Variants in PATZ1 observed in about 807,000 individuals in gnomAD.
PATZ1 encodes POZ/BTB and AT hook containing zinc finger 1.
In PATZ1, 9 loss-of-function variants were observed where a neutral mutation model predicts 46.2. The ratio of observed to expected loss-of-function variants is 0.19; its 90% confidence interval spans 0.12 to 0.34. PATZ1 has a LOEUF of 0.34. Ranked by LOEUF, PATZ1 falls within the 10% of genes least tolerant of loss-of-function variation. The probability of loss-of-function intolerance (pLI) is 1.00; values close to 1 mark genes in which losing one functional copy is unlikely to be tolerated. For missense variants in PATZ1, 632 were observed against 923.0 expected (o/e 0.68, Z 4.08); for synonymous variants, 426 against 378.6 (o/e 1.13, Z -1.45).
chr22:31,345,697 C>A lies in PATZ1; in HGVS notation c.-95G>T, dbSNP rs2049645896. 5 of 1,230,502 alleles carry A rather than the reference C, an allele frequency of 4.1e-6. No homozygotes were observed. The South Asian group carries it at 4.6e-5, about 11-fold the overall frequency. 76.2% of individuals were successfully genotyped at this position (1,230,502 alleles called of 1,614,324 possible). ...AAGCGGGGCGCAGCAGACGTGTCCA[C>A]ACTCCCCACACGTGCCGGCCCGAGG... On this transcript the variant is annotated 5_prime_UTR_variant, in exon 1 of 5. Coordinates refer to ENST00000266269, the MANE Select transcript of PATZ1 (RefSeq NM_014323.3). This position sits in a 1 kb window ranked among gnomAD's most constrained non-coding sequence, Gnocchi z 7.4.
chr22:31,342,540 A>G (rs1053701359), intron 2 of PATZ1, among the ~76,000 whole-genome samples: 2 of 152,098 alleles, frequency 1.3e-5, no homozygotes, highest in African/African-American at 4.8e-5. Context: ...GCTGGAAACC[A>G]ACAGTCAGGC....
At position 31,331,408 on chromosome 22, in the gene PATZ1, C is replaced by T. The variant is rs529968291; in HGVS notation, c.1508-2484G>A. ...AGGCTGGAGTGCAGTGGCACCATCTCGGCTCACTGCAAGCTCCGCCTCCAG... is the reference window on the plus strand; with the variant it reads ...AGGCTGGAGTGCAGTGGCACCATCTTGGCTCACTGCAAGCTCCGCCTCCAG... On this transcript the variant is annotated intron_variant, in intron 3 of 4. Transcript: ENST00000266269. Among the ~76,000 whole-genome samples the T allele has an allele frequency of 5.3e-5, 8 of 150,306 alleles. No homozygotes were observed. The East Asian group carries it at 5.9e-4, about 11-fold the overall frequency.
intron 2 of PATZ1, among the ~76,000 whole-genome samples, chr22:31,336,761 G>T (rs1330924236): frequency 2.9e-5 from 4 of 140,148 alleles, no homozygotes; most frequent in Admixed American, 2.2e-4. Flanking sequence ...AGCCAAGATC[G>T]TGTCACTGCA....
Position 31,327,342 on chromosome 22 carries a change from G to A in PATZ1, c.1646-33C>T, listed in dbSNP as rs773466085. 6.3e-7 allele frequency: 1 copy of A among 1,579,632 alleles called. No individual in the cohort carries two copies. The highest frequency in any genetic ancestry group is 2.2e-5 in the East Asian group (1 of 44,598). On this transcript the variant is annotated intron_variant, in intron 4 of 4. Coordinates refer to ENST00000266269, the MANE Select transcript of PATZ1 (RefSeq NM_014323.3). The surrounding 1 kb of genome is among the most constrained non-coding windows in gnomAD (Gnocchi z 4.2). ...AAAACAAAATATAGGAGAGCGATGAGGCCAGGCTCTGGAGATGCCCCCTCC... is the reference window on the plus strand; with the variant it reads ...AAAACAAAATATAGGAGAGCGATGAAGCCAGGCTCTGGAGATGCCCCCTCC...
intron 3 of PATZ1, among the ~76,000 whole-genome samples, chr22:31,334,458 A>G (rs1180164018): frequency 1.3e-5 from 2 of 152,166 alleles, no homozygotes; most frequent in Non-Finnish European, 2.9e-5. Context: ...CTACTCAGCA[A>G]TCTCCTTCCA....
In PATZ1 at chr22:31,344,880, G is replaced by A. The variant is rs750842547; in HGVS notation, c.723C>T (p.Pro241=). ...GVDRLPMVAG[P]LSPQLLTSPF... is the part of the protein sequence containing the mutation. ...GGGAAGTCAGCAGTTGGGGGGATAGGGGTCCAGCCACCATGGGCAAGCGGT... is the reference window on the plus strand; with the variant it reads ...GGGAAGTCAGCAGTTGGGGGGATAGAGGTCCAGCCACCATGGGCAAGCGGT... Residue 241 remains proline (P), a synonymous_variant, in exon 1 of 5, where the codon CCC becomes CCT. Coordinates refer to ENST00000266269, the MANE Select transcript of PATZ1 (RefSeq NM_014323.3). 3.1e-6 allele frequency: 5 copies of A among 1,613,032 alleles called. No individual in the cohort carries two copies. Among genetic ancestry groups the A allele is most frequent in the East Asian group, 2.2e-5 (1 of 44,882 alleles).
chr22:31,340,727 C>G, intron 2 of PATZ1: 3 of 1,047,060 alleles, frequency 2.9e-6, no homozygotes, highest in Non-Finnish European at 3.5e-6. Context: ...GCAGAGTCTG[C>G]GGAGTGCTAA....
At chr22:31,337,652 G>A (rs1445559029) in intron 2 of PATZ1, 2 of 152,186 alleles carry the variant, frequency 1.3e-5, no homozygotes, top group Non-Finnish European at 2.9e-5. Context: ...GTGTGTGTGT[G>A]TGTTTACTGT....
In PATZ1 at chr22:31,345,719, G is replaced by A; in HGVS notation, c.-117C>T. ...CCACACTCCCCACACGTGCCGGCCC[G>A]AGGCTCTGTAGTCTCGCAGGTGCGC... On this transcript the variant is annotated 5_prime_UTR_variant, in exon 1 of 5. Coordinates refer to ENST00000266269, the MANE Select transcript of PATZ1 (RefSeq NM_014323.3). The surrounding 1 kb of genome is among the most constrained non-coding windows in gnomAD (Gnocchi z 7.4). 1 of 1,065,864 alleles carries A rather than the reference G, an allele frequency of 9.4e-7. No homozygotes were observed. Among genetic ancestry groups the A allele is most frequent in the Admixed American group, 2.9e-5 (1 of 34,682 alleles). 66.0% of individuals were successfully genotyped at this position (1,065,864 alleles called of 1,614,324 possible). A position where few individuals can be genotyped will look rare whatever the true frequency, so the allele number is the denominator to read the frequency against.
chr22:31,338,073 A>G (rs1434341635), intron 2 of PATZ1: 1 of 152,250 alleles, frequency 6.6e-6, no homozygotes, highest in African/African-American at 2.4e-5. Context: ...CAGTGTATTC[A>G]TATCATAAAT....
intron 3 of PATZ1, among the ~76,000 whole-genome samples, chr22:31,333,103 C>T (rs1280552297): frequency 6.6e-6 from 1 of 152,224 alleles, no homozygotes; most frequent in Non-Finnish European, 1.5e-5. Context: ...CTTCAACTTG[C>T]ATCTGACTCA....
rs937839758 is a variant in PATZ1, at chr22:31,342,886, C to T, written c.1335+11G>A. 2 of 1,613,820 alleles carry T rather than the reference C, an allele frequency of 1.2e-6. No individual in the cohort carries two copies. Among genetic ancestry groups the T allele is most frequent in the Non-Finnish European group, 1.7e-6 (2 of 1,179,830 alleles). On this transcript the variant is annotated intron_variant, in intron 2 of 4. Coordinates refer to ENST00000266269, the MANE Select transcript of PATZ1 (RefSeq NM_014323.3). ...TCCTTCAGCCCATCTCTGCCCTGAC[C>T]CAGCCCCTACCTGACACTTGTGAGG...
At chr22:31,344,242 C>T in intron 1 of PATZ1, 90 bp downstream of exon 1, 3 of 1,222,788 alleles carry the variant, frequency 2.5e-6, no homozygotes, top group Non-Finnish European at 3.4e-6. Context: ...CAAATGACCC[C>T]CACAAATCCC....
chr22:31,337,003 G>C (rs1261411784), intron 2 of PATZ1, among the ~76,000 whole-genome samples: 2 of 151,624 alleles, frequency 1.3e-5, no homozygotes, highest in Non-Finnish European at 2.9e-5. Flanking sequence ...CCAGCTACTC[G>C]GGAGGCTGAG....
At position 31,345,693 on chromosome 22, in the gene PATZ1, T is replaced by TCCACACTCCCCACACGTGC. The variant is rs1197226195; in HGVS notation, c.-110_-92dup. 2.3e-6 allele frequency: 3 copies of TCCACACTCCCCACACGTGC among 1,284,784 alleles called. No individual in the cohort carries two copies. In the African/African-American group the frequency reaches 4.5e-5, roughly 19 times the overall value. The allele number at this position is 1,284,784 out of a possible 1,614,324, so 79.6% of individuals were successfully genotyped here. ...CGAGAAGCGGGGCGCAGCAGACGTGTCCACACTCCCCACACGTGCCGGCCC... is the reference window on the plus strand; with the variant it reads ...CGAGAAGCGGGGCGCAGCAGACGTGTCCACACTCCCCACACGTGCCCACACTCCCCACACGTGCCGGCCC... On this transcript the variant is annotated 5_prime_UTR_variant, in exon 1 of 5. Transcript: ENST00000266269. This position sits in a 1 kb window ranked among gnomAD's most constrained non-coding sequence, Gnocchi z 7.4.
At chr22:31,339,762 T>C (rs1319331074) in intron 2 of PATZ1, among the ~76,000 whole-genome samples, 3 of 152,192 alleles carry the variant, frequency 2.0e-5, no homozygotes, top group Non-Finnish European at 2.9e-5. Flanking sequence ...CACTCAACAC[T>C]GAGCCCCAGT....
intron 3 of PATZ1, among the ~76,000 whole-genome samples, chr22:31,334,201 G>C (rs2049480405): frequency 6.6e-6 from 1 of 152,168 alleles, no homozygotes; most frequent in Non-Finnish European, 1.5e-5. Context: ...CTAGGGCTGG[G>C]GAAGCCCCAG....
At chr22:31,340,277 G>A (rs766300260) in intron 2 of PATZ1, among the ~76,000 whole-genome samples, 1 of 152,226 alleles carries the variant, frequency 6.6e-6, no homozygotes, top group African/African-American at 2.4e-5. Context: ...TTAAGCTATG[G>A]CACTAGTCTC....
At chr22:31,336,667 G>A (rs1463650797) in intron 2 of PATZ1, among the ~76,000 whole-genome samples, 1 of 151,816 alleles carries the variant, frequency 6.6e-6, no homozygotes, top group African/African-American at 2.4e-5. Flanking sequence ...TTAGCCGGGT[G>A]TGGTGGCAGA....
Sources: allele counts gnomAD v4.1 joint callset (sites outside exome capture counted in the v4.1 genomes callset), GRCh38; gene constraint gnomAD v4.1.1; non-coding constraint Gnocchi (gnomAD v3.1); transcripts MANE v1.5; gene names NCBI Gene and HGNC (gene_info 2026-07-23, HGNC 2026-07-21).